The following ABHD17C variants were observed in gnomAD, a reference collection of about 807,000 sequenced individuals.
The protein encoded by ABHD17C is abhydrolase domain containing 17C, depalmitoylase.
In ABHD17C, 11 loss-of-function variants were observed where a neutral mutation model predicts 27.9. The ratio of observed to expected loss-of-function variants is 0.39; its 90% CI spans 0.25 to 0.65. The LOEUF is 0.65. ABHD17C is among the 30% of genes least tolerant of loss of function. The pLI is 0.45. For synonymous variants in ABHD17C, 233 were observed against 209.1 expected, an observed-to-expected ratio of 1.11 and a Z score of -0.98; for missense variants, 280 against 470.2, an observed-to-expected ratio of 0.60 and a Z score of 3.74.
intron 1 of ABHD17C, among the ~76,000 whole-genome samples, chr15:80,747,943 G>A (rs989529775): frequency 4.6e-5 from 7 of 152,104 alleles, no homozygotes; most frequent in South Asian, 2.1e-4. Context: ...AGGACAGCCC[G>A]TAACCCTTTA....
In ABHD17C at chr15:80,695,570, G is replaced by T; in HGVS notation, c.141G>T (p.Pro47=). 1 of 1,190,700 alleles carries T rather than the reference G, an allele frequency of 8.4e-7. No individual in the cohort carries two copies. The highest frequency in any genetic ancestry group is 1.1e-6 in the Non-Finnish European group (1 of 950,648). The allele number at this position is 1,190,700 out of a possible 1,614,324, so 73.8% of individuals were successfully genotyped here. A position where few individuals can be genotyped will look rare whatever the true frequency, so the allele number is the denominator to read the frequency against. ...PPEPTYTVLA[P]EQRGAGASAP... ...AGCCCACCTACACGGTGCTGGCGCC[G>T]GAGCAGCGCGGCGCCGGCGCGTCCG... is the stretch of plus-strand genomic sequence containing the variant. The change falls in exon 1 of 3, where the codon CCG becomes CCT. Residue 47 remains proline, a synonymous_variant. Coordinates refer to ENST00000258884, the MANE Select transcript of ABHD17C (RefSeq NM_021214.2). The surrounding 1 kb of genome is among the most constrained non-coding windows in gnomAD (Gnocchi z 4.3).
chr15:80,723,757 G>A lies in ABHD17C; in HGVS notation c.591-25756G>A, dbSNP rs189626224. 3.1e-3 allele frequency among the ~76,000 whole-genome samples: 468 copies of A among 152,356 alleles called. 4 individuals carry two copies. The highest frequency in any genetic ancestry group is 6.9e-3 in the Admixed American group (106 of 15,306). ...CACACAGAATCAGTGCAGGAAGAGA[G>A]GCTGCTGCTTTGCGTGGCCGATGGC... On this transcript the variant is annotated intron_variant, in intron 1 of 2. Transcript: ENST00000258884.
At chr15:80,720,615 G>A (rs931286286) in intron 1 of ABHD17C, among the ~76,000 whole-genome samples, 1 of 151,864 alleles carries the variant, frequency 6.6e-6, no homozygotes, top group Non-Finnish European at 1.5e-5. Context: ...TCCAAGGGAG[G>A]GTCTTTTAAA....
At chr15:80,719,440 G>A (rs1430852197) in intron 1 of ABHD17C, among the ~76,000 whole-genome samples, 1 of 152,146 alleles carries the variant, frequency 6.6e-6, no homozygotes, top group Non-Finnish European at 1.5e-5. Flanking sequence ...CTTACCCCCA[G>A]TTCCTACTTG....
chr15:80,739,043 T>C (rs1895171329), intron 1 of ABHD17C, among the ~76,000 whole-genome samples: 1 of 151,898 alleles, frequency 6.6e-6, no homozygotes, highest in Admixed American at 6.6e-5. Context: ...GAAAGAGGAG[T>C]GACCAAAGGA....
In ABHD17C at chr15:80,695,769, A is replaced by G. The variant is rs1894485687; in HGVS notation, c.340A>G (p.Thr114Ala). 6.5e-7 allele frequency: 1 copy of G among 1,541,448 alleles called. No homozygotes were observed. The highest frequency in any genetic ancestry group is 1.9e-5 in the Admixed American group (1 of 51,382). ...LDAVEVFFSRTARDNRLGCMF... is the reference protein window; with the variant it reads ...LDAVEVFFSRAARDNRLGCMF... ...CGCCGTCGAGGTCTTCTTCTCGCGC[A>G]CGGCCCGGGACAACCGGCTCGGCTG... is the stretch of plus-strand genomic sequence containing the variant. The change falls in exon 1 of 3, where the codon ACG becomes GCG. Residue 114 changes from threonine (T) to alanine (A), a missense_variant. Around this residue, in one of 2 missense-constraint regions of ABHD17C, gnomAD observed 206 missense variants for 394.7 expected, o/e 0.52. Coordinates refer to ENST00000258884, the MANE Select transcript of ABHD17C (RefSeq NM_021214.2). This position sits in a 1 kb window ranked among gnomAD's most constrained non-coding sequence, Gnocchi z 4.3.
rs1894540078 is a variant in ABHD17C at position 80,699,345 on chromosome 15, C to T, written c.590+3326C>T. 2.0e-5 allele frequency among the ~76,000 whole-genome samples: 3 copies of T among 152,110 alleles called. No homozygotes were observed. In the Middle Eastern group the frequency reaches 0.01, roughly 517 times the overall value. On this transcript the variant is annotated intron_variant, in intron 1 of 2. Transcript: ENST00000258884. ...ATAAGTGGGGTAAAGTTAATTTTTC[C>T]TAAGTTGGACTCTTACAAGTACTTG...
chr15:80,708,970 G>A (rs949390126), intron 1 of ABHD17C, among the ~76,000 whole-genome samples: 3 of 152,080 alleles, frequency 2.0e-5, no homozygotes. Flanking sequence ...TCCTGAGGGA[G>A]GCAGTTGGAG....
chr15:80,749,462 C>G, intron 1 of ABHD17C, 51 bp from the exon 2 acceptor site: 3 of 1,577,644 alleles, frequency 1.9e-6, no homozygotes, highest in Non-Finnish European at 2.6e-6. Flanking sequence ...CTGTCCCTTT[C>G]TCTCTTTCTT....
intron 1 of ABHD17C, among the ~76,000 whole-genome samples, chr15:80,698,221 C>T (rs1169947564): frequency 1.3e-5 from 2 of 151,898 alleles, no homozygotes; most frequent in African/African-American, 4.8e-5. Context: ...CCCGCCACCG[C>T]GTCCGGCTAA....
At chr15:80,702,213 C>A (rs192200027) in intron 1 of ABHD17C, among the ~76,000 whole-genome samples, 2 of 152,284 alleles carry the variant, frequency 1.3e-5, no homozygotes, top group East Asian at 3.9e-4. Context: ...AGGTCAGGCA[C>A]GGTGACACAG....
At chr15:80,752,994 A>G (rs1895384328) in intron 2 of ABHD17C, among the ~76,000 whole-genome samples, 1 of 152,206 alleles carries the variant, frequency 6.6e-6, no homozygotes, top group Non-Finnish European at 1.5e-5. Context: ...TTTCAAGCTA[A>G]ATAGTACAGT....
chr15:80,708,578 A>T (rs1894681835), intron 1 of ABHD17C, among the ~76,000 whole-genome samples: 1 of 152,104 alleles, frequency 6.6e-6, no homozygotes, highest in Admixed American at 6.6e-5. Context: ...CAGCCTCCGA[A>T]AGTGCTGGGA....
At chr15:80,754,099 T>C in intron 2 of ABHD17C, 52 bp from the exon 3 acceptor site, 1 of 1,368,918 alleles carries the variant, frequency 7.3e-7, no homozygotes, top group Non-Finnish European at 1.0e-6. Flanking sequence ...GTATTATCTG[T>C]GAGCATAACT....
chr15:80,752,418 T>C (rs927199563), intron 2 of ABHD17C, among the ~76,000 whole-genome samples: 5 of 152,170 alleles, frequency 3.3e-5, no homozygotes, highest in African/African-American at 7.2e-5. Context: ...TGTTTGTAGA[T>C]CTTTGGAATG....
chr15:80,733,201 C>T (rs1329902928), intron 1 of ABHD17C, among the ~76,000 whole-genome samples: 2 of 152,136 alleles, frequency 1.3e-5, no homozygotes, highest in South Asian at 2.1e-4. Flanking sequence ...CCCCTGTCCC[C>T]GACCTCCTCA....
At chr15:80,739,946 G>A (rs1263148023) in intron 1 of ABHD17C, among the ~76,000 whole-genome samples, 1 of 152,124 alleles carries the variant, frequency 6.6e-6, no homozygotes. Flanking sequence ...TTCTGCAGAT[G>A]CTATGTGTGT....
At chr15:80,720,311 A>G (rs1894876816) in intron 1 of ABHD17C, among the ~76,000 whole-genome samples, 1 of 150,862 alleles carries the variant, frequency 6.6e-6, no homozygotes, top group Admixed American at 6.6e-5. Flanking sequence ...CCTGTTTTCC[A>G]GTTTCTACTT....
chr15:80,734,329 C>G (rs1223588649), intron 1 of ABHD17C, among the ~76,000 whole-genome samples: 1 of 152,168 alleles, frequency 6.6e-6, no homozygotes, highest in Non-Finnish European at 1.5e-5. Context: ...CTCAAATGCC[C>G]TGTGGAGGAG....
Sources: gnomAD v4.1 joint callset for allele counts (sites outside exome capture counted in the v4.1 genomes callset) on GRCh38, gnomAD v4.1.1 for gene constraint, gnomAD v4.1.1 regional missense constraint, Gnocchi (gnomAD v3.1) non-coding constraint, MANE v1.5 for transcripts, NCBI Gene and HGNC (gene_info 2026-07-23, HGNC 2026-07-21) for gene names.